Variants in CAST observed in about 807,000 individuals in gnomAD.
CAST encodes calpastatin.
A neutral mutation model predicts 119.6 loss-of-function variants in CAST; 76 were observed. That is an observed-to-expected ratio of 0.64 (90% confidence interval 0.53 to 0.77). The LOEUF is 0.77. Ranked by LOEUF, CAST falls within the 30% of genes least tolerant of loss-of-function variation. CAST has a pLI of 0.00. For missense variants in CAST, 953 were observed against 946.5 expected (o/e 1.01, Z -0.09); for synonymous variants, 319 against 331.6 (o/e 0.96, Z 0.41).
chr5:96,263,149 C>T, the CAST span, among the ~76,000 whole-genome samples: 24 of 152,262 alleles, frequency 1.6e-4, no homozygotes, highest in African/African-American at 4.8e-4. Flanking sequence ...AGGGTATGGG[C>T]GTCAGTATAT....
At chr5:96,442,939 A>G in the CAST span, among the ~76,000 whole-genome samples, 1 of 150,642 alleles carries the variant, frequency 6.6e-6, no homozygotes, top group Non-Finnish European at 1.5e-5. Context: ...CTTCCCCTCC[A>G]TTTCTTCTCA....
chr5:96,001,845 A>G, the CAST span, among the ~76,000 whole-genome samples: 1,062 of 152,342 alleles, frequency 7.0e-3, 11 homozygotes, highest in African/African-American at 0.025. Context: ...AAATCTGAAT[A>G]TTCTCTTATT....
At chr5:96,770,100 T>C (rs1180604572) in intron 29 of CAST, 7 of 164,100 alleles carry the variant, frequency 4.3e-5, no homozygotes, top group African/African-American at 1.2e-4. Context: ...GATTACTGGG[T>C]CATACAGTAG....
chr5:96,571,317 C>G (rs1425007658), intron 1 of CAST, among the ~76,000 whole-genome samples: 10 of 152,204 alleles, frequency 6.6e-5, no homozygotes, highest in African/African-American at 2.4e-4. Context: ...GAGGCTTAGT[C>G]TGATTGCTCA....
the CAST span, among the ~76,000 whole-genome samples, chr5:96,410,163 A>G: frequency 1.3e-5 from 2 of 152,078 alleles, no homozygotes; most frequent in Non-Finnish European, 2.9e-5. Context: ...GAAATCCAGT[A>G]ATTGCCCTTG....
the CAST span, chr5:96,400,118 T>G: frequency 5.6e-6 from 9 of 1,614,192 alleles, no homozygotes; most frequent in South Asian, 9.9e-5. Flanking sequence ...TCCAGGGTTA[T>G]TGGCCAGCGG....
the CAST span, among the ~76,000 whole-genome samples, chr5:96,322,449 A>T: frequency 6.1e-4 from 93 of 152,190 alleles, no homozygotes; most frequent in African/African-American, 2.0e-3. Context: ...ATCTATTTAC[A>T]CCTGCTTGAC....
the CAST span, among the ~76,000 whole-genome samples, chr5:96,365,292 T>C: frequency 6.6e-6 from 1 of 152,244 alleles, no homozygotes; most frequent in Non-Finnish European, 1.5e-5. Context: ...GAGAAGAATG[T>C]ATAATCTGTT....
the CAST span, among the ~76,000 whole-genome samples, chr5:96,253,708 G>A: frequency 2.0e-5 from 3 of 151,960 alleles, no homozygotes; most frequent in East Asian, 5.8e-4. Flanking sequence ...ATTTGACAAA[G>A]GAAGGGAAAA....
At chr5:96,405,515 G>C in the CAST span, among the ~76,000 whole-genome samples, 1 of 152,018 alleles carries the variant, frequency 6.6e-6, no homozygotes, top group East Asian at 1.9e-4. Flanking sequence ...AAAAAAGAAG[G>C]ATCAAATTAG....
At position 96,612,022 on chromosome 5, in the gene CAST, A is replaced by T. The variant is rs577947590; in HGVS notation, c.61-63517A>T. ...ATGTAAATTTGTTCAGCCACTGTGG[A>T]GAGCAGTTTGGAGTTTCCTTGAAGA... On this transcript the variant is annotated intron_variant, in intron 1 of 11. Coordinates refer to the CAST transcript ENST00000505143. Among the ~76,000 whole-genome samples the T allele has an allele frequency of 3.3e-5, 5 of 152,324 alleles. No individual in the cohort carries two copies. In the South Asian group the frequency reaches 1.0e-3, roughly 32 times the overall value.
At chr5:96,425,676 C>G in the CAST span, 1 of 656,476 alleles carries the variant, frequency 1.5e-6, no homozygotes, top group Non-Finnish European at 2.7e-6. Flanking sequence ...TCAAGAAGAT[C>G]CCATCAGCCC....
the CAST span, among the ~76,000 whole-genome samples, chr5:96,310,228 C>A: frequency 6.6e-6 from 1 of 152,158 alleles, no homozygotes; most frequent in South Asian, 2.1e-4. Context: ...TGTAGTCTAT[C>A]ACATTTATTG....
chr5:95,987,426 A>G, the CAST span, among the ~76,000 whole-genome samples: 1 of 152,152 alleles, frequency 6.6e-6, no homozygotes, highest in African/African-American at 2.4e-5. Context: ...GATGTTGTAC[A>G]GGGAAATTTC....
intron 3 of CAST, 51 bp downstream of exon 3, chr5:96,695,958 A>C (rs376126808): frequency 4.0e-5 from 51 of 1,284,122 alleles, no homozygotes; most frequent in Non-Finnish European, 5.4e-5. Flanking sequence ...CTACAGGGAT[A>C]TGATTAGTGG....
At chr5:96,013,194 C>CTT in the CAST span, among the ~76,000 whole-genome samples, 17 of 142,800 alleles carry the variant, frequency 1.2e-4, no homozygotes, top group Non-Finnish European at 2.0e-4. Flanking sequence ...AAAAGGTATG[C>CTT]TTTTTTTTTT....
the CAST span, among the ~76,000 whole-genome samples, chr5:96,506,661 G>A: frequency 3.3e-4 from 4 of 12,022 alleles, no homozygotes; most frequent in Non-Finnish European, 2.8e-3. Flanking sequence ...CTCCCACTAT[G>A]AGGAGGTCTC....
chr5:96,047,841 C>T, the CAST span, among the ~76,000 whole-genome samples: 2 of 152,024 alleles, frequency 1.3e-5, no homozygotes, highest in South Asian at 4.1e-4. Flanking sequence ...GCGCATGATG[C>T]AATGAGGGAA....
chr5:96,369,786 C>T, the CAST span, among the ~76,000 whole-genome samples: 46 of 152,118 alleles, frequency 3.0e-4, no homozygotes, highest in African/African-American at 8.7e-4. Flanking sequence ...CTCTTTATTC[C>T]GTTTTATTTT....
Sources: allele counts gnomAD v4.1 joint callset (sites outside exome capture counted in the v4.1 genomes callset), GRCh38; gene constraint gnomAD v4.1.1; transcripts MANE v1.5; gene names NCBI Gene and HGNC (gene_info 2026-07-23, HGNC 2026-07-21).